The following BTRC variants were observed in gnomAD, a reference collection of about 807,000 sequenced individuals.
BTRC encodes beta-transducin repeat containing E3 ubiquitin protein ligase, also known as F-box/WD repeat-containing protein 1A.
BTRC carries 42 observed loss-of-function variants against 85.5 expected under a neutral mutation model. That is an observed-to-expected ratio of 0.49 (90% CI 0.38 to 0.64). The LOEUF (loss-of-function observed/expected upper bound fraction) is 0.64. Ranked by LOEUF, BTRC falls within the 30% of genes least tolerant of loss-of-function variation. The probability of loss-of-function intolerance (pLI) is 0.00; values close to 1 mark genes in which losing one functional copy is unlikely to be tolerated. For missense variants in BTRC, 594 were observed against 743.5 expected (o/e 0.80, Z 2.34); for synonymous variants, 255 against 263.3 (o/e 0.97, Z 0.30).
chr10:101,491,925 C>T (rs1340757337), intron 4 of BTRC, among the ~76,000 whole-genome samples: 1 of 151,574 alleles, frequency 6.6e-6, no homozygotes, highest in African/African-American at 2.4e-5. Context: ...ACAAAGCAGA[C>T]AAACACCAAT....
intron 1 of BTRC, among the ~76,000 whole-genome samples, chr10:101,389,056 C>T (rs1943157454): frequency 6.9e-6 from 1 of 145,098 alleles, no homozygotes; most frequent in African/African-American, 2.5e-5. Flanking sequence ...ACTGTGACTT[C>T]TACCTTTATG....
At chr10:101,356,200 C>A (rs1222013054) in intron 1 of BTRC, among the ~76,000 whole-genome samples, 1 of 152,164 alleles carries the variant, frequency 6.6e-6, no homozygotes, top group African/African-American at 2.4e-5. Flanking sequence ...CGGGGTTTCA[C>A]TATGTTGGCC....
In BTRC at chr10:101,394,182, ACT is replaced by A. The variant is rs529027883; in HGVS notation, c.49-36160_49-36159del. On this transcript the variant is annotated intron_variant, in intron 1 of 14. Coordinates refer to ENST00000370187, the MANE Select transcript of BTRC (RefSeq NM_033637.4). ...TTGAATTTTTTTATGAAAGAAGGGG[ACT>A]CTGGTAATTAATTTTTTATGATAAT... Among the ~76,000 whole-genome samples, 320 of 151,964 alleles carry A rather than the reference ACT, an allele frequency of 2.1e-3. 3 individuals are homozygous for A. Among genetic ancestry groups the A allele is most frequent in the African/African-American group, 7.2e-3 (298 of 41,478 alleles).
chr10:101,480,353 A>G (rs922879674), intron 4 of BTRC, among the ~76,000 whole-genome samples: 1 of 152,220 alleles, frequency 6.6e-6, no homozygotes, highest in Non-Finnish European at 1.5e-5. Context: ...GTCTTAGTCC[A>G]TGTGAGCTGC....
intron 13 of BTRC, among the ~76,000 whole-genome samples, chr10:101,540,663 T>C (rs185205451): frequency 1.5e-3 from 235 of 152,332 alleles, no homozygotes; most frequent in African/African-American, 5.3e-3. Context: ...TGTTTTTTAA[T>C]TTTTTAATAA....
chr10:101,466,241 G>A (rs1005355408), intron 3 of BTRC, among the ~76,000 whole-genome samples: 2 of 152,082 alleles, frequency 1.3e-5, no homozygotes, highest in African/African-American at 2.4e-5. Context: ...TCCTGAGAAC[G>A]TGGGCAGTGA....
chr10:101,374,775 A>C (rs1004378325), intron 1 of BTRC, among the ~76,000 whole-genome samples: 4 of 127,232 alleles, frequency 3.1e-5, no homozygotes, highest in Non-Finnish European at 4.9e-5. Context: ...TAAAACTTAA[A>C]GTATAATAAA....
At chr10:101,439,980 GTCT>G (rs1944638385) in intron 2 of BTRC, among the ~76,000 whole-genome samples, 1 of 152,202 alleles carries the variant, frequency 6.6e-6, no homozygotes, top group African/African-American at 2.4e-5. Flanking sequence ...ATTATCCAGT[GTCT>G]TTAACAAGTG....
intron 1 of BTRC, among the ~76,000 whole-genome samples, chr10:101,394,206 TA>T (rs1241530452): frequency 6.6e-6 from 1 of 152,232 alleles, no homozygotes; most frequent in Non-Finnish European, 1.5e-5. Context: ...TTTTTTATGA[TA>T]ATGTATTCTT....
intron 1 of BTRC, among the ~76,000 whole-genome samples, chr10:101,384,461 G>A (rs1404327397): frequency 1.3e-5 from 2 of 152,186 alleles, no homozygotes; most frequent in African/African-American, 4.8e-5. Flanking sequence ...CAAATTACTT[G>A]CCAGTCAGCA....
intron 1 of BTRC, among the ~76,000 whole-genome samples, chr10:101,373,798 G>A (rs1942709306): frequency 6.6e-6 from 1 of 151,878 alleles, no homozygotes; most frequent in African/African-American, 2.4e-5. Context: ...GGCGCCTGTA[G>A]TCCCAGCTAC....
intron 2 of BTRC, among the ~76,000 whole-genome samples, chr10:101,436,626 AT>A (rs1201688366): frequency 2.1e-4 from 1 of 4,660 alleles, no homozygotes; most frequent in Non-Finnish European, 4.5e-4. Flanking sequence ...ATTAAAAAAA[AT>A]AGATAGATAG....
At chr10:101,429,813 CAG>C (rs912287727) in intron 1 of BTRC, among the ~76,000 whole-genome samples, 6 of 150,304 alleles carry the variant, frequency 4.0e-5, no homozygotes, top group Non-Finnish European at 8.9e-5. Context: ...GCAAACTGTG[CAG>C]AGTTTGTTGC....
At chr10:101,426,244 T>G (rs1031595250) in intron 1 of BTRC, among the ~76,000 whole-genome samples, 2 of 152,242 alleles carry the variant, frequency 1.3e-5, no homozygotes, top group Non-Finnish European at 2.9e-5. Context: ...TTTACCAGTA[T>G]AGATAAGATT....
chr10:101,389,301 G>A (rs542193173), intron 1 of BTRC, among the ~76,000 whole-genome samples: 8 of 151,342 alleles, frequency 5.3e-5, no homozygotes, highest in South Asian at 4.2e-4. Context: ...TCTCAAATTC[G>A]TCTACCCCTC....
At position 101,555,431 on chromosome 10, in the gene BTRC, G is replaced by A. The variant is rs1434341554; in HGVS notation, c.*2308G>A. ...AAAGGAGATCGGGGCGACCCCTGCAGATGTGGAGCCATTAGCCCAGTTGAG... is the reference window on the plus strand; with the variant it reads ...AAAGGAGATCGGGGCGACCCCTGCAAATGTGGAGCCATTAGCCCAGTTGAG... On this transcript the variant is annotated 3_prime_UTR_variant, in exon 15 of 15. Transcript: ENST00000370187. 1 of 152,670 alleles carries A rather than the reference G, an allele frequency of 6.6e-6. No homozygotes were observed. The highest frequency in any genetic ancestry group is 1.5e-5 in the Non-Finnish European group (1 of 68,048). The allele number at this position is 152,670 out of a possible 1,614,324, so 9.5% of individuals were successfully genotyped here.
chr10:101,458,583 A>G (rs771938539), intron 2 of BTRC, among the ~76,000 whole-genome samples: 3 of 152,326 alleles, frequency 2.0e-5, no homozygotes, highest in Non-Finnish European at 2.9e-5. Flanking sequence ...AAAGTTTCCA[A>G]TTGCCTCAAC....
At chr10:101,476,001 G>A (rs4326718) in intron 3 of BTRC, among the ~76,000 whole-genome samples, 53,283 of 141,004 alleles carry the variant, frequency 0.38, 11,143 homozygotes, top group Middle Eastern at 0.5. Context: ...GAGAATCTTG[G>A]CAGACATGTC....
intron 4 of BTRC, among the ~76,000 whole-genome samples, chr10:101,507,758 T>C (rs889830773): frequency 6.6e-6 from 1 of 152,224 alleles, no homozygotes; most frequent in Non-Finnish European, 1.5e-5. Context: ...ATAACAAGTT[T>C]AGAGCTTGCT....
Sources: gnomAD v4.1 joint callset for allele counts (sites outside exome capture counted in the v4.1 genomes callset) on GRCh38, gnomAD v4.1.1 for gene constraint, MANE v1.5 for transcripts, NCBI Gene and HGNC (gene_info 2026-07-23, HGNC 2026-07-21) for gene names.